The following ADGRL2 variants were observed in gnomAD, a reference collection of about 807,000 sequenced individuals.
ADGRL2 encodes the protein calcium-independent alpha-latrotoxin receptor 2.
Under a neutral mutation model 157.4 loss-of-function variants are expected in ADGRL2, and 44 were observed. The observed-to-expected ratio is 0.28, with a 90% confidence interval of 0.22 to 0.36. The LOEUF is 0.36. Ranked by LOEUF, ADGRL2 falls within the 10% of genes least tolerant of loss-of-function variation. The pLI is 1.00. For missense variants in ADGRL2, 1,510 were observed against 1,768.9 expected, an observed-to-expected ratio of 0.85 and a Z score of 2.63; for synonymous variants, 585 against 624.7, an observed-to-expected ratio of 0.94 and a Z score of 0.95.
At chr1:81,723,511 A>T (rs1021901768) in intron 1 of ADGRL2, among the ~76,000 whole-genome samples, 3 of 152,196 alleles carry the variant, frequency 2.0e-5, no homozygotes, top group African/African-American at 7.2e-5. Flanking sequence ...GGCAGGGAAG[A>T]TACTTATGTA....
chr1:81,308,075 A>G (rs1346106853), intron 1 of ADGRL2, among the ~76,000 whole-genome samples: 1 of 152,154 alleles, frequency 6.6e-6, no homozygotes, highest in Non-Finnish European at 1.5e-5. Context: ...AGCAACCGAA[A>G]AAAAAAAGGT....
At chr1:81,652,269 T>C (rs2082437210) in intron 3 of ADGRL2, among the ~76,000 whole-genome samples, 1 of 152,212 alleles carries the variant, frequency 6.6e-6, no homozygotes. Context: ...TTTAATTCTA[T>C]ATCTCTGAAC....
chr1:81,723,239 C>CA (rs2084396747), intron 1 of ADGRL2, among the ~76,000 whole-genome samples: 1 of 152,034 alleles, frequency 6.6e-6, no homozygotes, highest in African/African-American at 2.4e-5. Flanking sequence ...AAGCATTTTA[C>CA]AGTGGTTTGC....
chr1:81,409,072 C>T (rs2076906289), intron 1 of ADGRL2, among the ~76,000 whole-genome samples: 1 of 152,176 alleles, frequency 6.6e-6, no homozygotes, highest in South Asian at 2.1e-4. Context: ...ATAGCACACA[C>T]ACACCTAATA....
At chr1:81,987,356 T>A in intron 22 of ADGRL2, 1 of 1,408,860 alleles carries the variant, frequency 7.1e-7, no homozygotes, top group African/African-American at 1.4e-5. Flanking sequence ...CCTATCTATA[T>A]AATATACTGT....
At position 81,716,714 on chromosome 1, in the gene ADGRL2, C is replaced by T. The variant is rs559161296; in HGVS notation, c.-143+16906C>T. On this transcript the variant is annotated intron_variant, in intron 1 of 20. Transcript: ENST00000359929. ...CTAGATTAATCCAGGTTTGAAACCA[C>T]CAAAAGGAGCATAAAAGGGTAAAGC... Among the ~76,000 whole-genome samples the T allele has an allele frequency of 5.9e-5, 9 of 152,102 alleles. No individual in the cohort carries two copies. The South Asian group carries it at 1.9e-3, about 31-fold the overall frequency.
chr1:81,688,867 T>C (rs498298), intron 3 of ADGRL2, among the ~76,000 whole-genome samples: 100,756 of 152,034 alleles, frequency 0.66, 33,845 homozygotes, highest in African/African-American at 0.69. Flanking sequence ...GGTGTTCCCT[T>C]GATGTAGTAC....
At chr1:81,793,032 T>C (rs1236360707) in intron 2 of ADGRL2, among the ~76,000 whole-genome samples, 4 of 152,074 alleles carry the variant, frequency 2.6e-5, no homozygotes, top group African/African-American at 9.7e-5. Flanking sequence ...CTCTAGAAAA[T>C]GATGGTGAAC....
At chr1:81,377,051 G>A (rs1004232268) in intron 1 of ADGRL2, among the ~76,000 whole-genome samples, 3 of 152,022 alleles carry the variant, frequency 2.0e-5, no homozygotes, top group African/African-American at 7.2e-5. Context: ...TAATTAGCTG[G>A]GCATGGTGGC....
At chr1:81,615,751 A>G (rs1209529191) in intron 3 of ADGRL2, among the ~76,000 whole-genome samples, 1 of 152,228 alleles carries the variant, frequency 6.6e-6, no homozygotes, top group Non-Finnish European at 1.5e-5. Flanking sequence ...GAGACCACAG[A>G]AAATCAAAAA....
intron 2 of ADGRL2, among the ~76,000 whole-genome samples, chr1:81,481,376 A>G (rs2078383069): frequency 6.6e-6 from 1 of 152,220 alleles, no homozygotes; most frequent in Non-Finnish European, 1.5e-5. Flanking sequence ...AAGAAATTAG[A>G]AGGATGCAAT....
intron 1 of ADGRL2, among the ~76,000 whole-genome samples, chr1:81,341,295 G>T (rs1315181531): frequency 6.6e-6 from 1 of 152,006 alleles, no homozygotes; most frequent in East Asian, 1.9e-4. Flanking sequence ...AACTATTTTA[G>T]TTCCTGGAAT....
At chr1:81,481,254 C>T (rs1212861496) in intron 2 of ADGRL2, among the ~76,000 whole-genome samples, 3 of 152,120 alleles carry the variant, frequency 2.0e-5, no homozygotes, top group Admixed American at 1.3e-4. Context: ...GAGATAATTC[C>T]GCAAAATTTA....
At position 81,597,399 on chromosome 1, in the gene ADGRL2, T is replaced by G. The variant is rs184289469; in HGVS notation, c.-143+16419T>G. On this transcript the variant is annotated intron_variant, in intron 3 of 24. Coordinates refer to the ADGRL2 transcript ENST00000370721. ...CATATGAAAAAATAAAGAAAAAAAT[T>G]ATATTTGCTAATATTTTACATGTTT... Among the ~76,000 whole-genome samples, 104 of 152,296 alleles carry G rather than the reference T, an allele frequency of 6.8e-4. 1 individual carries two copies. The highest frequency in any genetic ancestry group is 2.3e-3 in the African/African-American group (94 of 41,564).
intron 1 of ADGRL2, among the ~76,000 whole-genome samples, chr1:81,313,754 A>G (rs890076639): frequency 6.6e-6 from 1 of 152,200 alleles, no homozygotes; most frequent in Non-Finnish European, 1.5e-5. Flanking sequence ...GAAAAAATCA[A>G]GAGGGTATTT....
chr1:81,914,143 G>A, intron 3 of ADGRL2, among the ~76,000 whole-genome samples: 1 of 152,136 alleles, frequency 6.6e-6, no homozygotes, highest in African/African-American at 2.4e-5. Flanking sequence ...ATTTCGGCTT[G>A]TGTATACTCT....
At chr1:81,310,371 C>A (rs1659662758) in intron 1 of ADGRL2, among the ~76,000 whole-genome samples, 1 of 152,132 alleles carries the variant, frequency 6.6e-6, no homozygotes, top group Non-Finnish European at 1.5e-5. Flanking sequence ...TCATAGGTAT[C>A]TGATTCAAAG....
intron 2 of ADGRL2, among the ~76,000 whole-genome samples, chr1:81,446,242 C>A (rs1041416310): frequency 6.6e-6 from 1 of 152,078 alleles, no homozygotes. Context: ...CACAGCACAG[C>A]GTAGTTGGAG....
intron 1 of ADGRL2, chr1:81,721,854 A>G: frequency 1.2e-6 from 1 of 828,664 alleles, no homozygotes; most frequent in Non-Finnish European, 2.0e-6. Flanking sequence ...GAAAATACCA[A>G]GGGGAAAAAA....
Sources: allele counts gnomAD v4.1 joint callset (sites outside exome capture counted in the v4.1 genomes callset), GRCh38; gene constraint gnomAD v4.1.1; transcripts MANE v1.5; gene names NCBI Gene and HGNC (gene_info 2026-07-23, HGNC 2026-07-21).